Variants in MAF observed in about 807,000 individuals in gnomAD.
The protein encoded by MAF is transcription factor Maf.
MAF carries 10 observed loss-of-function variants against 22.0 expected under a neutral mutation model. That is an observed-to-expected ratio of 0.45 (90% confidence interval 0.28 to 0.77). The LOEUF (loss-of-function observed/expected upper bound fraction) is 0.77, where lower values mean the gene tolerates loss of function less well. Ranked by LOEUF, MAF falls within the 30% of genes least tolerant of loss-of-function variation. The pLI is 0.12. For missense variants in MAF, 544 were observed against 548.4 expected (o/e 0.99, Z 0.08); for synonymous variants, 337 against 255.8 (o/e 1.32, Z -3.03).
At chr16:79,586,463 G>A (rs141801764) in intron 1 of MAF, among the ~76,000 whole-genome samples, 2 of 152,270 alleles carry the variant, frequency 1.3e-5, no homozygotes, top group Non-Finnish European at 2.9e-5. Context: ...GACCTTAACT[G>A]CAAATGTTCT....
chr16:79,441,857 G>C, the MAF span, among the ~76,000 whole-genome samples: 2 of 152,186 alleles, frequency 1.3e-5, no homozygotes, highest in African/African-American at 4.8e-5. Context: ...AGAATGTCGA[G>C]GTAAAATTAT....
the MAF span, among the ~76,000 whole-genome samples, chr16:79,549,625 A>G: frequency 1.3e-5 from 2 of 152,184 alleles, no homozygotes; most frequent in Admixed American, 1.3e-4. Flanking sequence ...TCCCTTTCGG[A>G]TAGACACTCA....
chr16:79,366,039 T>C, the MAF span, among the ~76,000 whole-genome samples: 1 of 152,234 alleles, frequency 6.6e-6, no homozygotes, highest in Non-Finnish European at 1.5e-5. Flanking sequence ...CTTTTTGTCT[T>C]GGTTTCTCTA....
At chr16:79,497,774 G>A in the MAF span, among the ~76,000 whole-genome samples, 2 of 152,236 alleles carry the variant, frequency 1.3e-5, no homozygotes, top group Non-Finnish European at 2.9e-5. Context: ...AGACAAGGAA[G>A]GAGAAAAGAG....
At chr16:79,390,203 T>G in the MAF span, among the ~76,000 whole-genome samples, 2 of 151,974 alleles carry the variant, frequency 1.3e-5, no homozygotes, top group Admixed American at 1.3e-4. Context: ...CGACTCTCCT[T>G]GAAAGCCGGG....
At chr16:79,325,229 T>G in the MAF span, among the ~76,000 whole-genome samples, 1 of 152,144 alleles carries the variant, frequency 6.6e-6, no homozygotes, top group Non-Finnish European at 1.5e-5. Context: ...GGCAAATACT[T>G]TCAAGAGTAA....
At chr16:79,454,814 A>G in the MAF span, among the ~76,000 whole-genome samples, 4 of 150,070 alleles carry the variant, frequency 2.7e-5, no homozygotes, top group African/African-American at 9.8e-5. Flanking sequence ...GTGATCTGAA[A>G]GAATTCTCAC....
downstream of MAF, among the ~76,000 whole-genome samples, chr16:79,592,362 A>G (rs1244603886): frequency 6.6e-6 from 1 of 152,216 alleles, no homozygotes; most frequent in African/African-American, 2.4e-5. Context: ...AATGCTAGAC[A>G]GAGCTGGGTT....
the MAF span, among the ~76,000 whole-genome samples, chr16:79,306,094 G>C: frequency 2.0e-5 from 3 of 152,208 alleles, no homozygotes; most frequent in Non-Finnish European, 4.4e-5. Flanking sequence ...GGCTGGAAAA[G>C]GTAACGTTGG....
the MAF span, among the ~76,000 whole-genome samples, chr16:79,338,514 T>G: frequency 6.6e-6 from 1 of 152,188 alleles, no homozygotes; most frequent in Non-Finnish European, 1.5e-5. Context: ...CGGTTAAAGA[T>G]ATCCAATGAG....
chr16:79,571,831 T>A, the MAF span, among the ~76,000 whole-genome samples: 1 of 152,104 alleles, frequency 6.6e-6, no homozygotes, highest in Non-Finnish European at 1.5e-5. Context: ...GAACAAAACA[T>A]GTTTTACATC....
the MAF span, among the ~76,000 whole-genome samples, chr16:79,478,334 G>T: frequency 1.3e-5 from 2 of 152,170 alleles, no homozygotes; most frequent in Admixed American, 6.5e-5. Flanking sequence ...AGATGTGGTA[G>T]AGTCTACAGG....
the MAF span, among the ~76,000 whole-genome samples, chr16:79,484,800 C>T: frequency 6.6e-6 from 1 of 151,870 alleles, no homozygotes; most frequent in East Asian, 1.9e-4. Flanking sequence ...TGCATGTGCA[C>T]GTGTGTGTGT....
the MAF span, among the ~76,000 whole-genome samples, chr16:79,537,001 T>C: frequency 6.6e-6 from 1 of 152,184 alleles, no homozygotes; most frequent in Non-Finnish European, 1.5e-5. Context: ...TACCATAGGC[T>C]TAGACACATG....
chr16:79,336,721 T>A, the MAF span, among the ~76,000 whole-genome samples: 1 of 152,240 alleles, frequency 6.6e-6, no homozygotes, highest in Admixed American at 6.5e-5. Flanking sequence ...GGGAGTTTCA[T>A]GACTTTTTAC....
the MAF span, among the ~76,000 whole-genome samples, chr16:79,426,418 T>C: frequency 1.8e-3 from 268 of 152,332 alleles, no homozygotes; most frequent in Non-Finnish European, 2.9e-3. Flanking sequence ...TTGTTGAATA[T>C]AGCTAATAGA....
the MAF span, among the ~76,000 whole-genome samples, chr16:79,234,540 C>G: frequency 2.0e-5 from 3 of 152,168 alleles, no homozygotes; most frequent in Non-Finnish European, 4.4e-5. Context: ...CAAATGCAAT[C>G]TGAGTTAGAT....
chr16:79,377,309 G>A, the MAF span, among the ~76,000 whole-genome samples: 1 of 152,154 alleles, frequency 6.6e-6, no homozygotes, highest in Non-Finnish European at 1.5e-5. Flanking sequence ...GTGTCTTTTG[G>A]CTGCATAAAT....
the MAF span, among the ~76,000 whole-genome samples, chr16:79,241,600 C>A: frequency 6.6e-6 from 1 of 151,992 alleles, no homozygotes; most frequent in African/African-American, 2.4e-5. Context: ...GAGAATGGAA[C>A]CAAGTTGGAA....
Sources: gnomAD v4.1 joint callset for allele counts (sites outside exome capture counted in the v4.1 genomes callset) on GRCh38, gnomAD v4.1.1 for gene constraint, MANE v1.5 for transcripts, NCBI Gene and HGNC (gene_info 2026-07-23, HGNC 2026-07-21) for gene names.